PIEZO2: variants seen among roughly 807,000 people sequenced by gnomAD.
PIEZO2 encodes piezo type mechanosensitive ion channel component 2.
A neutral mutation model predicts 337.3 loss-of-function variants in PIEZO2; 172 were observed. That is an observed-to-expected ratio of 0.51 (90% CI 0.45 to 0.58). The LOEUF is 0.58. PIEZO2 is among the 20% of genes least tolerant of loss of function. The pLI is 0.00. For missense variants in PIEZO2, 3,028 were observed against 3,391.3 expected (o/e 0.89, Z 2.66); for synonymous variants, 1,251 against 1,228.5 (o/e 1.02, Z -0.38).
In PIEZO2 at chr18:10,752,892, G is replaced by C; in HGVS notation, c.3924-13C>G. 1 of 1,521,486 alleles carries C rather than the reference G, an allele frequency of 6.6e-7. No homozygotes were observed. Among genetic ancestry groups the C allele is most frequent in the Non-Finnish European group, 8.8e-7 (1 of 1,138,478 alleles). The allele number at this position is 1,521,486 out of a possible 1,614,324, so 94.2% of individuals were successfully genotyped here. ...GTCTAAGTAAGATCTGGAAAACAAAGCCAGTGACAAAAAGACAACAACAAC... is the reference window on the plus strand; with the variant it reads ...GTCTAAGTAAGATCTGGAAAACAAACCCAGTGACAAAAAGACAACAACAAC... On this transcript the variant is annotated splice_polypyrimidine_tract_variant and intron_variant, in intron 27 of 55. Coordinates refer to ENST00000674853, the MANE Select transcript of PIEZO2 (RefSeq NM_001378183.1).
rs192015981 is a variant in PIEZO2, at chr18:10,870,032, C to G, written c.492+1221G>C. Among the ~76,000 whole-genome samples, 193 of 152,194 alleles carry G rather than the reference C, an allele frequency of 1.3e-3. 1 individual carries two copies. Among genetic ancestry groups the G allele is most frequent in the Admixed American group, 6.8e-3 (104 of 15,282 alleles). On this transcript the variant is annotated intron_variant, in intron 5 of 55. Transcript: ENST00000674853. The surrounding 1 kb of genome is among the most constrained non-coding windows in gnomAD (Gnocchi z 5.3). ...CTAGAATTACAGGCAAGCACCATCACGCTCAGCTAATTTTTGTATTTTTAG... is the reference window on the plus strand; with the variant it reads ...CTAGAATTACAGGCAAGCACCATCAGGCTCAGCTAATTTTTGTATTTTTAG...
intron 2 of PIEZO2, among the ~76,000 whole-genome samples, chr18:11,026,683 G>A (rs1408849227): frequency 6.6e-6 from 1 of 152,164 alleles, no homozygotes; most frequent in African/African-American, 2.4e-5. Context: ...CCCTCTGTGA[G>A]GCTTATTCAG....
At chr18:10,922,511 G>T (rs930706292) in intron 3 of PIEZO2, among the ~76,000 whole-genome samples, 1 of 152,060 alleles carries the variant, frequency 6.6e-6, no homozygotes, top group African/African-American at 2.4e-5. Flanking sequence ...AGGAACCAGG[G>T]GCTGAGCAGA....
At chr18:10,799,836 G>A (rs2039742054) in intron 11 of PIEZO2, among the ~76,000 whole-genome samples, 1 of 145,136 alleles carries the variant, frequency 6.9e-6, no homozygotes, top group Admixed American at 7.0e-5. Context: ...AGCCAGGCGT[G>A]GTGGTGGGCA....
rs935596472 is a variant in PIEZO2 at position 11,110,817 on chromosome 18, G to A, written c.64+37708C>T. The stretch of plus-strand genomic sequence containing the variant: ...GGAACACACAGTATTGACCAGCACA[G>A]TGTTTTAAACTTGAAGTATAGGATC... On this transcript the variant is annotated intron_variant, in intron 1 of 55. Transcript: ENST00000674853. The surrounding 1 kb of genome is among the most constrained non-coding windows in gnomAD (Gnocchi z 4.2). 6.6e-6 allele frequency among the ~76,000 whole-genome samples: 1 copy of A among 151,656 alleles called. No individual in the cohort carries two copies. Among genetic ancestry groups the A allele is most frequent in the Non-Finnish European group, 1.5e-5 (1 of 67,938 alleles).
chr18:10,810,800 T>C (rs559170621), intron 7 of PIEZO2, among the ~76,000 whole-genome samples: 6 of 152,240 alleles, frequency 3.9e-5, no homozygotes, highest in South Asian at 2.1e-4. Flanking sequence ...ATCCAAGAAA[T>C]AGGACAGGCA....
chr18:10,684,258 T>A (rs535050830), intron 49 of PIEZO2, among the ~76,000 whole-genome samples: 2 of 142,950 alleles, frequency 1.4e-5, no homozygotes, highest in African/African-American at 2.7e-5. Flanking sequence ...CTCCACCTCC[T>A]GGGTTCACGC....
At chr18:11,079,454 G>A (rs558784892) in intron 1 of PIEZO2, among the ~76,000 whole-genome samples, 12 of 152,300 alleles carry the variant, frequency 7.9e-5, no homozygotes, top group South Asian at 4.1e-4. Context: ...ACTTGAAAAA[G>A]TCAAGCAACA....
At chr18:11,023,345 A>C (rs8088464) in intron 2 of PIEZO2, among the ~76,000 whole-genome samples, 3,155 of 151,934 alleles carry the variant, frequency 0.021, 108 homozygotes, top group African/African-American at 0.072. Context: ...TTCTCCACCT[A>C]CCCACTAGAT....
chr18:10,981,126 G>T (rs1183226867), intron 2 of PIEZO2, among the ~76,000 whole-genome samples: 1 of 151,998 alleles, frequency 6.6e-6, no homozygotes, highest in Non-Finnish European at 1.5e-5. Context: ...ATAAATCATA[G>T]AGAAACATTA....
At chr18:10,753,967 G>T (rs1568019446) in intron 27 of PIEZO2, among the ~76,000 whole-genome samples, 1 of 152,172 alleles carries the variant, frequency 6.6e-6, no homozygotes, top group African/African-American at 2.4e-5. Context: ...GTAGTGATTT[G>T]CATGAGCCTA....
chr18:10,812,128 C>T (rs141715321), intron 7 of PIEZO2, among the ~76,000 whole-genome samples: 11 of 152,310 alleles, frequency 7.2e-5, no homozygotes, highest in South Asian at 4.1e-4. Context: ...CCACTGCGCC[C>T]GGCCAACACT....
At chr18:10,742,015 C>T (rs958521623) in intron 32 of PIEZO2, among the ~76,000 whole-genome samples, 9 of 151,842 alleles carry the variant, frequency 5.9e-5, no homozygotes, top group South Asian at 2.1e-4. Flanking sequence ...ATTAGCCGGG[C>T]GTGGTGGCGG....
intron 4 of PIEZO2, among the ~76,000 whole-genome samples, chr18:10,881,405 T>A (rs978561440): frequency 9.2e-5 from 14 of 152,204 alleles, no homozygotes; most frequent in Admixed American, 9.2e-4. Flanking sequence ...AGGCAGCAGG[T>A]CTGTTAAAAG....
intron 1 of PIEZO2, among the ~76,000 whole-genome samples, chr18:11,137,248 T>C (rs145433722): frequency 3.9e-5 from 6 of 152,316 alleles, no homozygotes; most frequent in Non-Finnish European, 8.8e-5. Flanking sequence ...AAAAAAATTA[T>C]TGTTCTTAGC....
In PIEZO2 at chr18:10,691,357, T is replaced by C. The variant is rs1442868695; in HGVS notation, c.7217A>G (p.Gln2406Arg). The change falls in exon 48 of 56, where the codon CAG (glutamine) becomes CGG (arginine). Residue 2406 changes from glutamine (Q) to arginine (R), a missense_variant. Physicochemically the swap from Gln to Arg is conservative, Grantham distance 43. Coordinates refer to ENST00000674853, the MANE Select transcript of PIEZO2 (RefSeq NM_001378183.1). ...AACACATTTCACAAAGTACCAAAGCTGGGCAACCAGGTTCTGGCTGAATTT... is the reference window on the plus strand; with the variant it reads ...AACACATTTCACAAAGTACCAAAGCCGGGCAACCAGGTTCTGGCTGAATTT... ...ERKFSQNLVA[Q>R]LWYFVKCVYF... The C allele has an allele frequency of 1.9e-6, 3 of 1,612,376 alleles. No homozygotes were observed. Among genetic ancestry groups the C allele is most frequent in the Non-Finnish European group, 8.5e-7 (1 of 1,179,348 alleles).
intron 1 of PIEZO2, among the ~76,000 whole-genome samples, chr18:11,071,877 C>A (rs2038352160): frequency 6.6e-6 from 1 of 152,168 alleles, no homozygotes; most frequent in South Asian, 2.1e-4. Flanking sequence ...TGGAAGTGAT[C>A]ATTCTTCCCC....
chr18:10,686,954 C>G (rs1333414346), intron 49 of PIEZO2, among the ~76,000 whole-genome samples: 1 of 152,106 alleles, frequency 6.6e-6, no homozygotes, highest in Non-Finnish European at 1.5e-5. Context: ...ACCTAGGAAC[C>G]AAGATAAAAA....
chr18:10,925,561 G>A (rs758684865), intron 3 of PIEZO2, among the ~76,000 whole-genome samples: 2 of 152,068 alleles, frequency 1.3e-5, no homozygotes, highest in African/African-American at 2.4e-5. Flanking sequence ...AAAATGCAAG[G>A]GTTTATACAA....
Sources: allele counts gnomAD v4.1 joint callset (sites outside exome capture counted in the v4.1 genomes callset), GRCh38; gene constraint gnomAD v4.1.1; non-coding constraint Gnocchi (gnomAD v3.1); transcripts MANE v1.5; gene names NCBI Gene and HGNC (gene_info 2026-07-23, HGNC 2026-07-21).